TRAPPC9: variants seen among roughly 807,000 people sequenced by gnomAD.
The protein encoded by TRAPPC9 is IKK2 binding protein.
TRAPPC9 carries 83 observed loss-of-function variants against 124.0 expected under a neutral mutation model. That is an observed-to-expected ratio of 0.67 (90% CI 0.56 to 0.80). The LOEUF is 0.80. TRAPPC9 is among the 30% of genes least tolerant of loss of function. The pLI, the probability that TRAPPC9 is intolerant of heterozygous loss-of-function variation, is 0.00. For missense variants in TRAPPC9, 1,302 were observed against 1,508.3 expected (o/e 0.86, Z 2.27); for synonymous variants, 638 against 617.5 (o/e 1.03, Z -0.49).
At chr8:139,739,023 G>A (rs1014449141) in intron 21 of TRAPPC9, among the ~76,000 whole-genome samples, 2 of 152,158 alleles carry the variant, frequency 1.3e-5, no homozygotes, top group Non-Finnish European at 2.9e-5. Flanking sequence ...ACGCGCCCCA[G>A]GCTAAGATCA....
chr8:140,385,832 C>T lies in TRAPPC9; in HGVS notation c.1134+11788G>A, dbSNP rs553675562. 4.6e-5 allele frequency among the ~76,000 whole-genome samples: 7 copies of T among 152,288 alleles called. No homozygotes were observed. In the South Asian group the frequency reaches 1.2e-3, roughly 27 times the overall value. On this transcript the variant is annotated intron_variant, in intron 7 of 22. Transcript: ENST00000438773. ...ACTCATTTTATGAGGCCAGCATCATCCTGATACCATAGCCTGGCAGAGACA... is the reference window on the plus strand; with the variant it reads ...ACTCATTTTATGAGGCCAGCATCATTCTGATACCATAGCCTGGCAGAGACA...
chr8:140,117,569 A>C (rs1056922473), intron 17 of TRAPPC9, among the ~76,000 whole-genome samples: 3 of 152,214 alleles, frequency 2.0e-5, no homozygotes, highest in African/African-American at 7.2e-5. Flanking sequence ...ATGCCCACTC[A>C]CAAGAGCGGA....
chr8:140,271,832 A>T (rs1451304617), intron 15 of TRAPPC9, among the ~76,000 whole-genome samples: 1 of 152,236 alleles, frequency 6.6e-6, no homozygotes, highest in Non-Finnish European at 1.5e-5. Context: ...GTGGCTAGAC[A>T]TCTGATGCAC....
At position 139,984,498 on chromosome 8, in the gene TRAPPC9, G is replaced by T. The variant is rs1231408134; in HGVS notation, c.2810+4228C>A. ...CAGGGGTGCCTCCTCGTAGGGGAAC[G>T]GGAGAGCCAGGAGAGAGGTTCGGCT... is the stretch of plus-strand genomic sequence containing the variant. On this transcript the variant is annotated intron_variant, in intron 19 of 22. Coordinates refer to ENST00000438773, the MANE Select transcript of TRAPPC9 (RefSeq NM_001160372.4). The surrounding 1 kb of genome is among the most constrained non-coding windows in gnomAD (Gnocchi z 4.3). Among the ~76,000 whole-genome samples, 1 of 152,132 alleles carries T rather than the reference G, an allele frequency of 6.6e-6. No individual in the cohort carries two copies. Among genetic ancestry groups the T allele is most frequent in the East Asian group, 1.9e-4 (1 of 5,188 alleles).
rs200188588 is a variant in TRAPPC9, at chr8:140,413,509, C to CT, written c.887-7812dup. ...CCAGACACCTACTGAAGAACAAAGT[C>CT]TTTTTTTTTTTTTTTTATACTTTAA... On this transcript the variant is annotated intron_variant, in intron 5 of 22. Coordinates refer to ENST00000438773, the MANE Select transcript of TRAPPC9 (RefSeq NM_001160372.4). Among the ~76,000 whole-genome samples the CT allele has an allele frequency of 9.6e-3, 1,316 of 136,976 alleles. 11 individuals are homozygous for CT. Among genetic ancestry groups the CT allele is most frequent in the Admixed American group, 0.012 (169 of 13,732 alleles). 89.9% of individuals were successfully genotyped at this position (136,976 alleles called of 152,430 possible).
chr8:140,416,085 T>C (rs2069919106), intron 5 of TRAPPC9, among the ~76,000 whole-genome samples: 1 of 151,584 alleles, frequency 6.6e-6, no homozygotes, highest in African/African-American at 2.4e-5. Flanking sequence ...AAGGGGGAAT[T>C]GAAAAACAAT....
chr8:139,817,666 G>T (rs541672222), intron 21 of TRAPPC9, among the ~76,000 whole-genome samples: 3 of 152,242 alleles, frequency 2.0e-5, no homozygotes, highest in Admixed American at 6.5e-5. Context: ...GCTGCTCACC[G>T]CACAGCCTTC....
At chr8:139,943,436 C>G (rs910747830) in intron 19 of TRAPPC9, among the ~76,000 whole-genome samples, 5 of 152,218 alleles carry the variant, frequency 3.3e-5, no homozygotes, top group African/African-American at 1.2e-4. Context: ...TAAATGAACT[C>G]TCTCCAAAGG....
Position 140,451,080 on chromosome 8 carries a change from C to T in TRAPPC9, c.294G>A (p.Lys98=). 1 of 1,614,018 alleles carries T rather than the reference C, an allele frequency of 6.2e-7. No individual in the cohort carries two copies. Among genetic ancestry groups the T allele is most frequent in the Non-Finnish European group, 8.5e-7 (1 of 1,179,998 alleles). ...CGTAGATCTCCTTCTGCACGTGGAA[C>T]TTCTCAAAGGTCTGTGGCCAGTCCT... is the stretch of plus-strand genomic sequence containing the variant. The part of the protein sequence containing the change: ...SAKDWPQTFE[K]FHVQKEIYGS... The change falls in exon 2 of 23, where the codon AAG becomes AAA. Residue 98 remains lysine, a synonymous_variant. Transcript: ENST00000438773.
rs546899194 is a variant in TRAPPC9, at chr8:140,294,540, T to A, written c.1769-3462A>T. Among the ~76,000 whole-genome samples the A allele has an allele frequency of 1.4e-3, 206 of 152,336 alleles. 1 individual carries two copies. Among genetic ancestry groups the A allele is most frequent in the Non-Finnish European group, 2.2e-3 (153 of 68,034 alleles). On this transcript the variant is annotated intron_variant, in intron 11 of 22. Coordinates refer to ENST00000438773, the MANE Select transcript of TRAPPC9 (RefSeq NM_001160372.4). ...GAGTACTAAAAAAATAATGTACACT[T>A]AGATGGTCCATGTCTACTAAAGGGT...
chr8:140,060,294 G>A (rs1406413533), intron 17 of TRAPPC9, among the ~76,000 whole-genome samples: 2 of 152,236 alleles, frequency 1.3e-5, no homozygotes, highest in African/African-American at 4.8e-5. Flanking sequence ...CTGGCTGTGA[G>A]GCTCTGGGAT....
At chr8:140,399,573 C>A (rs1331772340) in intron 6 of TRAPPC9, among the ~76,000 whole-genome samples, 1 of 152,200 alleles carries the variant, frequency 6.6e-6, no homozygotes, top group African/African-American at 2.4e-5. Context: ...GGCCCTGTAA[C>A]CCCTTTGTTT....
intron 17 of TRAPPC9, among the ~76,000 whole-genome samples, chr8:140,057,988 C>T (rs1166525757): frequency 6.6e-6 from 1 of 152,198 alleles, no homozygotes; most frequent in African/African-American, 2.4e-5. Context: ...AGCATCCACC[C>T]AGCAACGGCT....
At chr8:140,321,415 T>C (rs1478751047) in intron 9 of TRAPPC9, among the ~76,000 whole-genome samples, 1 of 152,170 alleles carries the variant, frequency 6.6e-6, no homozygotes, top group African/African-American at 2.4e-5. Context: ...GCTGTTCAAC[T>C]CTAAAAAGTG....
intron 18 of TRAPPC9, among the ~76,000 whole-genome samples, chr8:140,016,355 T>A: frequency 6.6e-6 from 1 of 152,160 alleles, no homozygotes; most frequent in East Asian, 1.9e-4. Flanking sequence ...ACTGAGGACT[T>A]TGCTAGGGTG....
At position 140,450,924 on chromosome 8, in the gene TRAPPC9, G is replaced by A. The variant is rs2071431866; in HGVS notation, c.450C>T (p.Asp150=). ...DCQTVEKRIE[D]FIESLFIVLE... ...GCACGATGAACAGTGACTCGATGAA[G>A]TCCTCGATTCTCTTCTCCACCGTCT... Residue 150 remains aspartate (D), a synonymous_variant, in exon 2 of 23, where the codon GAC becomes GAT. Coordinates refer to ENST00000438773, the MANE Select transcript of TRAPPC9 (RefSeq NM_001160372.4). 6.2e-7 allele frequency: 1 copy of A among 1,614,042 alleles called. No individual in the cohort carries two copies. The highest frequency in any genetic ancestry group is 1.3e-5 in the African/African-American group (1 of 74,928).
intron 17 of TRAPPC9, among the ~76,000 whole-genome samples, chr8:140,058,242 G>A (rs1264188074): frequency 2.0e-5 from 3 of 151,956 alleles, no homozygotes; most frequent in African/African-American, 7.3e-5. Flanking sequence ...TTAGGGGTGG[G>A]TGGGGGAGGA....
At chr8:140,057,406 A>G (rs1842353093) in intron 17 of TRAPPC9, among the ~76,000 whole-genome samples, 1 of 152,258 alleles carries the variant, frequency 6.6e-6, no homozygotes, top group South Asian at 2.1e-4. Flanking sequence ...CTGCAGTATT[A>G]TTCACAATAT....
chr8:140,072,443 G>A (rs371260995), intron 17 of TRAPPC9, among the ~76,000 whole-genome samples: 2 of 152,126 alleles, frequency 1.3e-5, no homozygotes, highest in South Asian at 2.1e-4. Flanking sequence ...GCTTGAACGC[G>A]GGAGGCAGAG....
Sources: allele counts gnomAD v4.1 joint callset (sites outside exome capture counted in the v4.1 genomes callset), GRCh38; gene constraint gnomAD v4.1.1; non-coding constraint Gnocchi (gnomAD v3.1); transcripts MANE v1.5; gene names NCBI Gene and HGNC (gene_info 2026-07-23, HGNC 2026-07-21).